Variants in IFT140 observed in about 807,000 individuals in gnomAD.
IFT140 encodes the protein intraflagellar transport protein 140 homolog.
IFT140 carries 133 observed loss-of-function variants against 164.6 expected under a neutral mutation model. The ratio of observed to expected loss-of-function variants is 0.81; its 90% CI spans 0.70 to 0.93. The LOEUF (loss-of-function observed/expected upper bound fraction) is 0.93, where lower values mean the gene tolerates loss of function less well. Among genes scored for constraint, IFT140 ranks in the 40% least tolerant of loss-of-function variants. The pLI is 0.00. For synonymous variants in IFT140, 860 were observed against 817.3 expected, an observed-to-expected ratio of 1.05 and a Z score of -0.89; for missense variants, 2,045 against 1,972.3, an observed-to-expected ratio of 1.04 and a Z score of -0.70.
chr16:1,549,421 TTTTC>T (rs925546400), intron 19 of IFT140, among the ~76,000 whole-genome samples: 18 of 152,196 alleles, frequency 1.2e-4, no homozygotes, highest in East Asian at 5.8e-4. Flanking sequence ...CCCCAGGTGC[TTTTC>T]TTTCTTTCTT....
In IFT140 at chr16:1,526,883, C is replaced by G. The variant is rs2040718465; in HGVS notation, c.2400-87G>C. The G allele has an allele frequency of 2.1e-6, 3 of 1,402,952 alleles. No homozygotes were observed. In the Admixed American group the frequency reaches 7.2e-5, roughly 34 times the overall value. 86.9% of individuals were successfully genotyped at this position (1,402,952 alleles called of 1,614,324 possible). A position where few individuals can be genotyped will look rare whatever the true frequency, so the allele number is the denominator to read the frequency against. On this transcript the variant is annotated intron_variant, in intron 19 of 30. Transcript: ENST00000426508. Reference sequence around the variant, plus strand: ...GGCCCCTTCTCCTGGGGCAAGTAGTCATCAGGCACAGCTGCCAAACGGGCA... The same window carrying G: ...GGCCCCTTCTCCTGGGGCAAGTAGTGATCAGGCACAGCTGCCAAACGGGCA...
At chr16:1,584,018 A>T (rs932625286) in intron 11 of IFT140, among the ~76,000 whole-genome samples, 199 bp downstream of exon 11, 1 of 152,220 alleles carries the variant, frequency 6.6e-6, no homozygotes, top group Admixed American at 6.5e-5. Flanking sequence ...TACAGGCGTC[A>T]GCCACCGTGC....
chr16:1,533,240 C>T lies in IFT140; in HGVS notation c.2400-6444G>A, dbSNP rs1178909065. The stretch of plus-strand genomic sequence containing the variant: ...CCCAGCAATCCTGTGATATCTGCCC[C>T]CCTTTTGAGGGCAGCATTCCCGTGG... On this transcript the variant is annotated intron_variant, in intron 19 of 30. Coordinates refer to ENST00000426508, the MANE Select transcript of IFT140 (RefSeq NM_014714.4). The surrounding 1 kb of genome is among the most constrained non-coding windows in gnomAD (Gnocchi z 4.7). The T allele has an allele frequency of 1.3e-5, 2 of 152,336 alleles. No individual in the cohort carries two copies. Among genetic ancestry groups the T allele is most frequent in the African/African-American group, 4.8e-5 (2 of 41,424 alleles). 9.4% of individuals were successfully genotyped at this position (152,336 alleles called of 1,614,324 possible).
chr16:1,579,832 C>T lies in IFT140; in HGVS notation c.1524+927G>A, dbSNP rs569952405. ...ATACAAAATTAGTTGGGTGTGGTGG[C>T]GCACACCTGTAGTCCTAGCTACTCA... On this transcript the variant is annotated intron_variant, in intron 13 of 30. Coordinates refer to ENST00000426508, the MANE Select transcript of IFT140 (RefSeq NM_014714.4). 5.9e-5 allele frequency among the ~76,000 whole-genome samples: 9 copies of T among 152,098 alleles called. No homozygotes were observed. The South Asian group carries it at 1.0e-3, about 18-fold the overall frequency.
chr16:1,525,880 C>T lies in IFT140; in HGVS notation c.2768+7G>A, dbSNP rs749750649. The T allele has an allele frequency of 2.6e-6, 4 of 1,530,898 alleles. No homozygotes were observed. Among genetic ancestry groups the T allele is most frequent in the South Asian group, 2.4e-5 (2 of 83,096 alleles). The allele number at this position is 1,530,898 out of a possible 1,614,324, so 94.8% of individuals were successfully genotyped here. On this transcript the variant is annotated splice_region_variant and intron_variant, in intron 21 of 30. Transcript: ENST00000426508. ...GGCAGGGAAGAGGCCGCGAGGGCCG[C>T]ACTCACTAACTGAGGGCCCGGCTGC... is the stretch of plus-strand genomic sequence containing the variant.
At chr16:1,584,025 G>A (rs569854108) in intron 11 of IFT140, among the ~76,000 whole-genome samples, 192 bp downstream of exon 11, 7 of 152,184 alleles carry the variant, frequency 4.6e-5, no homozygotes, top group Admixed American at 2.0e-4. Context: ...GTCAGCCACC[G>A]TGCCTGGCCT....
intron 9 of IFT140, among the ~76,000 whole-genome samples, chr16:1,586,624 C>T (rs1171045691): frequency 3.7e-5 from 5 of 134,594 alleles, no homozygotes. Flanking sequence ...CACACACATG[C>T]ATGCACACAC....
At position 1,557,944 on chromosome 16, in the gene IFT140, A is replaced by G; in HGVS notation, c.2390T>C (p.Leu797Pro). The G allele has an allele frequency of 6.2e-7, 1 of 1,613,484 alleles. No individual in the cohort carries two copies. The highest frequency in any genetic ancestry group is 8.5e-7 in the Non-Finnish European group (1 of 1,179,962). ...TGGTCGGGATCCTCACCTTTTGATG[A>G]GCTTGATGGATTTGAAGGCTTCGTC... ...DMDEAFKSIKLIKSEAVWENM... is the reference protein window; with the variant it reads ...DMDEAFKSIKPIKSEAVWENM... Residue 797 changes from leucine to proline, a missense_variant, in exon 19 of 31, where the codon CTC (leucine) becomes CCC (proline). Transcript: ENST00000426508.
rs1457923709 is a variant in IFT140, at chr16:1,568,263, A to T, written c.1724T>A (p.Leu575Gln). 6.2e-6 allele frequency: 10 copies of T among 1,612,900 alleles called. No individual in the cohort carries two copies. The highest frequency in any genetic ancestry group is 1.3e-5 in the African/African-American group (1 of 75,042). The part of the protein sequence containing the change: ...LVPGVGGIAS[L>Q]RCSSSGSTIS... ...GGTGCTCCCGCTGCTGCTGCACCGC[A>T]GAGAAGCGATGCCCCCCACCCCAGG... Residue 575 changes from leucine to glutamine, a missense_variant, in exon 15 of 31, where the codon CTG (leucine) becomes CAG (glutamine). Coordinates refer to ENST00000426508, the MANE Select transcript of IFT140 (RefSeq NM_014714.4).
At chr16:1,561,141 CT>C (rs2141499382) in intron 18 of IFT140, among the ~76,000 whole-genome samples, 1 of 152,362 alleles carries the variant, frequency 6.6e-6, no homozygotes, top group South Asian at 2.1e-4. Flanking sequence ...CTCCCAGAGG[CT>C]GAGAACAACA....
chr16:1,526,251 A>G (rs1156644407), intron 20 of IFT140, 174 bp from the exon 21 acceptor site: 3 of 651,448 alleles, frequency 4.6e-6, no homozygotes, highest in Admixed American at 2.9e-5. Flanking sequence ...TCCCCGTCCC[A>G]CGGCTGGAGA....
intron 10 of IFT140, 135 bp from the exon 11 acceptor site, chr16:1,584,555 A>ATCTTATAATG: frequency 1.4e-6 from 1 of 698,006 alleles, no homozygotes; most frequent in Non-Finnish European, 2.4e-6. Flanking sequence ...TTAAAAAATG[A>ATCTTATAATG]TCTTATAAGA....
intron 19 of IFT140, among the ~76,000 whole-genome samples, chr16:1,537,120 G>A (rs1018567129): frequency 6.6e-6 from 1 of 152,242 alleles, no homozygotes; most frequent in Non-Finnish European, 1.5e-5. Flanking sequence ...TCTGTGCTGT[G>A]AGGCTGGGTG....
intron 21 of IFT140, 30 bp downstream of exon 21, chr16:1,525,857 C>T: frequency 6.7e-7 from 1 of 1,496,370 alleles, no homozygotes; most frequent in African/African-American, 1.4e-5. Flanking sequence ...TCCAGAGAGG[C>T]AGGGAAGAGG....
chr16:1,556,477 G>GT (rs2033092120), intron 19 of IFT140, among the ~76,000 whole-genome samples: 5 of 152,390 alleles, frequency 3.3e-5, no homozygotes, highest in African/African-American at 1.2e-4. Flanking sequence ...TACGGTCGGG[G>GT]CCGGGCCATC....
intron 3 of IFT140, among the ~76,000 whole-genome samples, chr16:1,606,334 A>G (rs2036059775): frequency 6.6e-6 from 1 of 152,244 alleles, no homozygotes; most frequent in Admixed American, 6.5e-5. Context: ...AATGCTGATA[A>G]GCATGAAGGA....
chr16:1,560,359 C>T (rs573649358), intron 18 of IFT140, among the ~76,000 whole-genome samples: 134 of 152,312 alleles, frequency 8.8e-4, no homozygotes, highest in Admixed American at 3.1e-3. Flanking sequence ...GGAACACGGC[C>T]GCCAACCGCA....
intron 1 of IFT140, 67 bp downstream of exon 1, chr16:1,611,901 A>C (rs1410514688): frequency 6.6e-6 from 1 of 152,202 alleles, no homozygotes; most frequent in Admixed American, 6.5e-5. Context: ...CCAAGTGCCC[A>C]GCGCCGCTCG....
chr16:1,524,215 T>A (rs563200644), intron 24 of IFT140: 2 of 613,866 alleles, frequency 3.3e-6, no homozygotes, highest in African/African-American at 1.8e-5. Context: ...AGAGCCCAGG[T>A]TGGGACATTT....
Sources: gnomAD v4.1 joint callset for allele counts (sites outside exome capture counted in the v4.1 genomes callset) on GRCh38, gnomAD v4.1.1 for gene constraint, Gnocchi (gnomAD v3.1) non-coding constraint, MANE v1.5 for transcripts, NCBI Gene and HGNC (gene_info 2026-07-23, HGNC 2026-07-21) for gene names.